Variants in LHFPL3 observed in about 807,000 individuals in gnomAD.
LHFPL3 encodes LHFPL tetraspan subfamily member 3 protein.
LHFPL3 carries 5 observed loss-of-function variants against 19.3 expected under a neutral mutation model. The observed-to-expected ratio is 0.26, with a 90% CI of 0.14 to 0.54. The LOEUF is 0.54. Among genes scored for constraint, LHFPL3 ranks in the 20% least tolerant of loss-of-function variants. LHFPL3 has a pLI of 0.94. For synonymous variants in LHFPL3, 133 were observed against 126.2 expected (o/e 1.05, Z -0.36); for missense variants, 249 against 307.4 (o/e 0.81, Z 1.42).
chr7:104,595,547 G>A (rs187691136), intron 1 of LHFPL3, among the ~76,000 whole-genome samples: 216 of 152,314 alleles, frequency 1.4e-3, no homozygotes, highest in Non-Finnish European at 1.2e-3. Context: ...CAGTCTTTCC[G>A]TTCTCAGAGC....
intron 1 of LHFPL3, among the ~76,000 whole-genome samples, chr7:104,376,225 T>C (rs569473250): frequency 6.6e-6 from 1 of 152,078 alleles, no homozygotes; most frequent in East Asian, 1.9e-4. Flanking sequence ...TTGTGGGCAC[T>C]TTTTGTGCCA....
chr7:104,542,149 G>C (rs967982969), intron 1 of LHFPL3, among the ~76,000 whole-genome samples: 2 of 152,026 alleles, frequency 1.3e-5, no homozygotes, highest in Non-Finnish European at 2.9e-5. Flanking sequence ...TGGACACTGA[G>C]AGCAGCAGAA....
chr7:104,685,524 T>C (rs1792788362), intron 1 of LHFPL3, among the ~76,000 whole-genome samples: 1 of 152,038 alleles, frequency 6.6e-6, no homozygotes, highest in Non-Finnish European at 1.5e-5. Context: ...TTCCACGTGG[T>C]CTCCTCCATA....
At chr7:104,522,112 C>A (rs541385861) in intron 1 of LHFPL3, among the ~76,000 whole-genome samples, 1 of 151,996 alleles carries the variant, frequency 6.6e-6, no homozygotes, top group Non-Finnish European at 1.5e-5. Flanking sequence ...GCATTATTCA[C>A]AATAGCAAAG....
intron 1 of LHFPL3, among the ~76,000 whole-genome samples, chr7:104,734,024 T>G (rs1159132222): frequency 2.0e-5 from 3 of 152,224 alleles, no homozygotes; most frequent in African/African-American, 7.2e-5. Flanking sequence ...GAAAATTCTT[T>G]TCTTTAAGAA....
At position 104,591,026 on chromosome 7, in the gene LHFPL3, C is replaced by T. The variant is rs1006970978; in HGVS notation, c.446-145649C>T. 2.3e-4 allele frequency among the ~76,000 whole-genome samples: 35 copies of T among 152,106 alleles called. 1 individual carries two copies. Among genetic ancestry groups the T allele is most frequent in the Admixed American group, 2.2e-3 (33 of 15,256 alleles). On this transcript the variant is annotated intron_variant, in intron 1 of 2. Transcript: ENST00000424859. ...GTGTGTCTCTGCACATAAGATGGGT[C>T]TCCCGAATAGAGCACACTGATGGGT...
intron 1 of LHFPL3, among the ~76,000 whole-genome samples, chr7:104,610,798 A>G (rs1453984271): frequency 6.6e-6 from 1 of 152,222 alleles, no homozygotes; most frequent in Non-Finnish European, 1.5e-5. Flanking sequence ...ACACCCAGAA[A>G]TAATGTTTAA....
Position 104,851,490 on chromosome 7 carries a change from A to G in LHFPL3, c.683-54697A>G, listed in dbSNP as rs114358164. Among the ~76,000 whole-genome samples the G allele has an allele frequency of 5.6e-3, 853 of 152,216 alleles. 8 individuals are homozygous for G. The highest frequency in any genetic ancestry group is 0.02 in the African/African-American group (817 of 41,536). On this transcript the variant is annotated intron_variant, in intron 2 of 2. Coordinates refer to ENST00000424859, the MANE Select transcript of LHFPL3 (RefSeq NM_199000.3). Reference sequence around the variant, plus strand: ...ATAGCTGATTATGAAACTGCTAGGGAAAAAAATGGCTTTCAAAATCTGAGG... The same window carrying G: ...ATAGCTGATTATGAAACTGCTAGGGGAAAAAATGGCTTTCAAAATCTGAGG...
At chr7:104,766,320 C>T (rs771541011) in intron 2 of LHFPL3, among the ~76,000 whole-genome samples, 1 of 152,210 alleles carries the variant, frequency 6.6e-6, no homozygotes, top group Non-Finnish European at 1.5e-5. Flanking sequence ...ATAAGGAGCA[C>T]TATCTTTGAC....
At chr7:104,902,484 G>A (rs1792507055) in intron 2 of LHFPL3, among the ~76,000 whole-genome samples, 1 of 151,678 alleles carries the variant, frequency 6.6e-6, no homozygotes, top group African/African-American at 2.4e-5. Flanking sequence ...ATGAAGGACT[G>A]ACTAATCAAT....
chr7:104,339,236 G>A (rs556421986), intron 1 of LHFPL3, among the ~76,000 whole-genome samples: 4 of 149,048 alleles, frequency 2.7e-5, no homozygotes, highest in Non-Finnish European at 4.4e-5. Context: ...CAACAAGAGC[G>A]AAACTCCGTC....
intron 1 of LHFPL3, among the ~76,000 whole-genome samples, chr7:104,403,827 C>G (rs370920266): frequency 2.0e-5 from 3 of 151,918 alleles, no homozygotes; most frequent in Non-Finnish European, 4.4e-5. Flanking sequence ...CTGGGCTCAG[C>G]AAACTACAGT....
intron 1 of LHFPL3, among the ~76,000 whole-genome samples, chr7:104,361,505 G>A (rs1790390744): frequency 6.6e-6 from 1 of 152,180 alleles, no homozygotes; most frequent in African/African-American, 2.4e-5. Context: ...AGTGGGAGCT[G>A]AAGGAGAAGC....
At chr7:104,814,725 G>C (rs1416725314) in intron 2 of LHFPL3, among the ~76,000 whole-genome samples, 1 of 152,270 alleles carries the variant, frequency 6.6e-6, no homozygotes, top group Non-Finnish European at 1.5e-5. Flanking sequence ...TCCTATGCTC[G>C]TCAGTGCCCA....
At chr7:104,731,661 A>T (rs1793708028) in intron 1 of LHFPL3, among the ~76,000 whole-genome samples, 1 of 151,786 alleles carries the variant, frequency 6.6e-6, no homozygotes, top group African/African-American at 2.4e-5. Context: ...CAATCATGTC[A>T]TCTGCAAACA....
chr7:104,581,908 C>G (rs1234036371), intron 1 of LHFPL3, among the ~76,000 whole-genome samples: 2 of 151,942 alleles, frequency 1.3e-5, no homozygotes, highest in African/African-American at 4.8e-5. Context: ...GTATTAAATT[C>G]AAGTACTGAA....
chr7:104,677,273 A>G (rs1352193400), intron 1 of LHFPL3, among the ~76,000 whole-genome samples: 1 of 151,846 alleles, frequency 6.6e-6, no homozygotes, highest in African/African-American at 2.4e-5. Context: ...ACACATTTGG[A>G]GGCTGAGGTA....
At chr7:104,744,905 C>A (rs1794011441) in intron 2 of LHFPL3, among the ~76,000 whole-genome samples, 1 of 152,200 alleles carries the variant, frequency 6.6e-6, no homozygotes, top group Non-Finnish European at 1.5e-5. Context: ...GCTACACACA[C>A]TTCCTTAGGT....
At chr7:104,538,908 A>G (rs1794437745) in intron 1 of LHFPL3, among the ~76,000 whole-genome samples, 2 of 152,216 alleles carry the variant, frequency 1.3e-5, no homozygotes, top group Admixed American at 1.3e-4. Context: ...TCTTAAAATC[A>G]GAGAACCTTT....
Sources: gnomAD v4.1 joint callset for allele counts (sites outside exome capture counted in the v4.1 genomes callset) on GRCh38, gnomAD v4.1.1 for gene constraint, MANE v1.5 for transcripts, NCBI Gene and HGNC (gene_info 2026-07-23, HGNC 2026-07-21) for gene names.